Variants in CPT1A observed in about 807,000 individuals in gnomAD.
The protein encoded by CPT1A is carnitine palmitoyltransferase 1A, also known as carnitine O-palmitoyltransferase 1, liver isoform.
In CPT1A, 64 loss-of-function variants were observed where a neutral mutation model predicts 100.8. That is an observed-to-expected ratio of 0.63 (90% CI 0.52 to 0.78). CPT1A has a LOEUF of 0.78. Among genes scored for constraint, CPT1A ranks in the 30% least tolerant of loss-of-function variants. The probability of loss-of-function intolerance (pLI) is 0.00; values close to 1 mark genes in which losing one functional copy is unlikely to be tolerated. For synonymous variants in CPT1A, 363 were observed against 396.0 expected (o/e 0.92, Z 0.99); for missense variants, 802 against 1,034.1 (o/e 0.78, Z 3.08).
At chr11:68,807,390 G>A in intron 4 of CPT1A, 77 bp downstream of exon 4, 1 of 1,427,074 alleles carries the variant, frequency 7.0e-7, no homozygotes, top group Non-Finnish European at 9.7e-7. Flanking sequence ...TCGCAGGGGT[G>A]TCCTTCCGCA....
At chr11:68,805,010 T>G (rs954562579) in intron 4 of CPT1A, among the ~76,000 whole-genome samples, 8 of 152,164 alleles carry the variant, frequency 5.3e-5, no homozygotes, top group Non-Finnish European at 1.2e-4. Flanking sequence ...CAGCTGAACC[T>G]CAGCTGTGAA....
chr11:68,813,218 C>T (rs191236395), intron 2 of CPT1A, among the ~76,000 whole-genome samples: 2 of 152,060 alleles, frequency 1.3e-5, no homozygotes, highest in Admixed American at 6.6e-5. Flanking sequence ...ATTGATTTCA[C>T]CAAGATAATG....
intron 16 of CPT1A, among the ~76,000 whole-genome samples, chr11:68,761,248 G>A (rs970700178): frequency 6.7e-6 from 1 of 148,474 alleles, no homozygotes; most frequent in Admixed American, 6.8e-5. Flanking sequence ...GGTGGTACGC[G>A]CTCACAGCTC....
chr11:68,830,277 C>CA (rs139417113), intron 1 of CPT1A, among the ~76,000 whole-genome samples: 2 of 151,306 alleles, frequency 1.3e-5, no homozygotes, highest in East Asian at 3.9e-4. Flanking sequence ...GACCCTGTCT[C>CA]AAAAAAAATA....
chr11:68,801,499 G>A (rs553583255), intron 5 of CPT1A, among the ~76,000 whole-genome samples: 1 of 152,156 alleles, frequency 6.6e-6, no homozygotes, highest in East Asian at 1.9e-4. Context: ...GTGTGGTGGT[G>A]CACATCTGTA....
At chr11:68,826,607 G>T (rs1253894229) in intron 1 of CPT1A, among the ~76,000 whole-genome samples, 1 of 151,518 alleles carries the variant, frequency 6.6e-6, no homozygotes, top group Non-Finnish European at 1.5e-5. Context: ...GCGTGGTGGC[G>T]GGCGCCTGTA....
intron 14 of CPT1A, among the ~76,000 whole-genome samples, chr11:68,768,312 T>C (rs1466970302): frequency 6.6e-6 from 1 of 152,026 alleles, no homozygotes; most frequent in African/African-American, 2.4e-5. Flanking sequence ...TCTGACCTCA[T>C]GATCCGCCCA....
Position 68,775,430 on chromosome 11 carries a change from G to A in CPT1A, c.1461C>T (p.Tyr487=), listed in dbSNP as rs757568196. 49 of 1,610,556 alleles carry A rather than the reference G, an allele frequency of 3.0e-5. No individual in the cohort carries two copies. The highest frequency in any genetic ancestry group is 9.9e-5 in the South Asian group (9 of 90,996). ...GCTGGAGGCTGTCAATGGACATGAC[G>A]TACTGTCAAAAATAGAACAAAATTA... ...DAPIVAHLWE[Y]VMSIDSLQLG... is the part of the protein sequence containing the mutation. The change falls in exon 13 of 19, where the codon TAC becomes TAT. Residue 487 remains tyrosine, a splice_region_variant and synonymous_variant. Coordinates refer to ENST00000265641, the MANE Select transcript of CPT1A (RefSeq NM_001876.4).
In CPT1A at chr11:68,784,992, C is replaced by T; in HGVS notation, c.986G>A (p.Arg329Lys). The change falls in exon 10 of 19, where the codon AGA (arginine) becomes AAA (lysine). Residue 329 changes from arginine (R) to lysine (K), a missense_variant. Arg to Lys is a conservative substitution (Grantham distance 26). This residue lies in a region of CPT1A where 627 missense variants were observed against 799.3 expected (regional missense o/e 0.78). Transcript: ENST00000265641. ...GEETDTIQHM[R>K]DSKHIVVYHR... ...GTACACGACGATGTGCTTGCTGTCT[C>T]TCATGTGCTGGATGGTGTCTGAGCC... 1 of 1,613,900 alleles carries T rather than the reference C, an allele frequency of 6.2e-7. No homozygotes were observed. The highest frequency in any genetic ancestry group is 8.5e-7 in the Non-Finnish European group (1 of 1,180,026).
chr11:68,792,899 A>C (rs1394891474), intron 9 of CPT1A, among the ~76,000 whole-genome samples: 1 of 152,102 alleles, frequency 6.6e-6, no homozygotes, highest in Non-Finnish European at 1.5e-5. Context: ...AAATGCAAAA[A>C]TTAGCCAGGC....
At chr11:68,754,726 CTTT>C, downstream of CPT1A, 1 of 755,532 alleles carries the variant, frequency 1.3e-6, no homozygotes, top group Non-Finnish European at 2.5e-6. Context: ...AATCAACAGG[CTTT>C]TCTTTCCAGC....
intron 7 of CPT1A, among the ~76,000 whole-genome samples, chr11:68,795,334 AT>A (rs2153999850): frequency 6.6e-6 from 1 of 152,316 alleles, no homozygotes; most frequent in African/African-American, 2.4e-5. Context: ...ATTTTCCACA[AT>A]TGGAAGAAAA....
intron 7 of CPT1A, 86 bp downstream of exon 7, chr11:68,796,770 C>T: frequency 2.2e-6 from 3 of 1,340,374 alleles, no homozygotes; most frequent in South Asian, 2.5e-5. Context: ...CCAGGCCGTC[C>T]ACAGGCCTGT....
intron 14 of CPT1A, among the ~76,000 whole-genome samples, chr11:68,763,057 C>T (rs753066353): frequency 1.3e-5 from 2 of 152,090 alleles, no homozygotes; most frequent in Non-Finnish European, 2.9e-5. Flanking sequence ...ACCACATTGC[C>T]CAGGCTGGTC....
At chr11:68,776,616 C>T (rs952152484) in intron 12 of CPT1A, among the ~76,000 whole-genome samples, 5 of 152,116 alleles carry the variant, frequency 3.3e-5, no homozygotes, top group Non-Finnish European at 5.9e-5. Flanking sequence ...CTGTGACTCA[C>T]GACTGTAATC....
chr11:68,786,033 C>G (rs535171730), intron 9 of CPT1A: 4 of 702,144 alleles, frequency 5.7e-6, no homozygotes, highest in Middle Eastern at 4.6e-4. Context: ...CAAGGCAGAT[C>G]GTCTAGTGAG....
intron 9 of CPT1A, among the ~76,000 whole-genome samples, chr11:68,791,580 G>A (rs539187364): frequency 1.4e-3 from 214 of 151,990 alleles, no homozygotes; most frequent in African/African-American, 5.0e-3. Flanking sequence ...CTTGTTGCCC[G>A]GGCTGGAGTG....
intron 1 of CPT1A, among the ~76,000 whole-genome samples, chr11:68,830,965 G>A (rs887075344): frequency 6.6e-6 from 1 of 152,188 alleles, no homozygotes; most frequent in African/African-American, 2.4e-5. Flanking sequence ...ACTATGGACA[G>A]TTCTCCAACG....
intron 5 of CPT1A, among the ~76,000 whole-genome samples, 191 bp downstream of exon 5, chr11:68,803,809 A>G (rs953546282): frequency 9.9e-5 from 15 of 151,628 alleles, no homozygotes; most frequent in Non-Finnish European, 1.9e-4. Flanking sequence ...GACACTTTTT[A>G]AAAAACACCT....
Sources: gnomAD v4.1 joint callset for allele counts (sites outside exome capture counted in the v4.1 genomes callset) on GRCh38, gnomAD v4.1.1 for gene constraint, gnomAD v4.1.1 regional missense constraint, MANE v1.5 for transcripts, NCBI Gene and HGNC (gene_info 2026-07-23, HGNC 2026-07-21) for gene names.